Variants in ONECUT2 observed in about 807,000 individuals in gnomAD.
The protein encoded by ONECUT2 is one cut domain family member 2.
ONECUT2 carries 10 observed loss-of-function variants against 27.9 expected under a neutral mutation model. The observed-to-expected ratio is 0.36, with a 90% confidence interval of 0.22 to 0.61. The LOEUF (loss-of-function observed/expected upper bound fraction) is 0.61. ONECUT2 is among the 20% of genes least tolerant of loss of function. The pLI is 0.73. For missense variants in ONECUT2, 686 were observed against 721.0 expected, an observed-to-expected ratio of 0.95 and a Z score of 0.56; for synonymous variants, 334 against 315.1, an observed-to-expected ratio of 1.06 and a Z score of -0.64.
In ONECUT2 at chr18:57,487,034, C is replaced by T. The variant is rs72934308; in HGVS notation, c.*10311C>T. 3,299 of 152,562 alleles carry T rather than the reference C, an allele frequency of 0.022. 52 individuals are homozygous for T. Among genetic ancestry groups the T allele is most frequent in the Middle Eastern group, 0.054 (16 of 294 alleles). 9.5% of individuals were successfully genotyped at this position (152,562 alleles called of 1,614,324 possible). A position where few individuals can be genotyped will look rare whatever the true frequency, so the allele number is the denominator to read the frequency against. On this transcript the variant is annotated 3_prime_UTR_variant, in exon 2 of 2. Transcript: ENST00000491143. Reference sequence around the variant, plus strand: ...TCAATGGACTTTATTTATGCATGGGCGCCTATTGTTTGTTAGCAGTTGTGG... The same window carrying T: ...TCAATGGACTTTATTTATGCATGGGTGCCTATTGTTTGTTAGCAGTTGTGG...
Position 57,476,897 on chromosome 18 carries a change from C to T in ONECUT2, c.*174C>T, listed in dbSNP as rs1021772875. The T allele has an allele frequency of 2.7e-6, 2 of 748,594 alleles. No homozygotes were observed. Among genetic ancestry groups the T allele is most frequent in the South Asian group, 3.9e-5 (2 of 51,620 alleles). The allele number at this position is 748,594 out of a possible 1,614,324, so 46.4% of individuals were successfully genotyped here. A position where few individuals can be genotyped will look rare whatever the true frequency, so the allele number is the denominator to read the frequency against. On this transcript the variant is annotated 3_prime_UTR_variant, in exon 2 of 2. Coordinates refer to ENST00000491143, the MANE Select transcript of ONECUT2 (RefSeq NM_004852.3). ...TAGCTGTAATCATAGGCCAGGTGTT[C>T]TTCTTTTGTTTTTAATGGCTATGGA...
At position 57,489,478 on chromosome 18, in the gene ONECUT2, C is replaced by T. The variant is rs1358371655; in HGVS notation, c.*12755C>T. The T allele has an allele frequency of 6.6e-6, 1 of 152,140 alleles. No individual in the cohort carries two copies. The highest frequency in any genetic ancestry group is 2.4e-5 in the African/African-American group (1 of 41,434). The allele number at this position is 152,140 out of a possible 1,614,324, so 9.4% of individuals were successfully genotyped here. On this transcript the variant is annotated 3_prime_UTR_variant, in exon 2 of 2. Transcript: ENST00000491143. The stretch of plus-strand genomic sequence containing the variant: ...TCACAGCTATTGCCCCAGCCAAAAA[C>T]ATGGCCCATCAATGCCTACTTTATC...
At chr18:57,457,422 C>T (rs977491382) in intron 1 of ONECUT2, among the ~76,000 whole-genome samples, 2 of 152,124 alleles carry the variant, frequency 1.3e-5, no homozygotes, top group African/African-American at 4.8e-5. Flanking sequence ...GCCCTTACCC[C>T]AGGTTCTAGA....
chr18:57,438,593 A>C (rs752883715), intron 1 of ONECUT2, among the ~76,000 whole-genome samples: 1 of 152,206 alleles, frequency 6.6e-6, no homozygotes, highest in Non-Finnish European at 1.5e-5. Context: ...CCGCTTTGAC[A>C]GCATTTTCCT....
Position 57,476,663 on chromosome 18 carries a change from G to A in ONECUT2, c.1455G>A (p.Trp485Ter). The A allele has an allele frequency of 6.2e-7, 1 of 1,614,166 alleles. No homozygotes were observed. The highest frequency in any genetic ancestry group is 8.5e-7 in the Non-Finnish European group (1 of 1,180,040). ...MNARRRSLEK[W>*]QDDLSTGGSS... ...CCCGGCGCCGCAGCCTGGAGAAGTG[G>A]CAAGACGATCTGAGCACAGGGGGCT... Residue 485 changes from tryptophan to a stop codon, truncating the protein, a stop_gained, in exon 2 of 2, where the codon TGG becomes TGA. Transcript: ENST00000491143. LOFTEE classifies it high-confidence loss of function.
intron 1 of ONECUT2, among the ~76,000 whole-genome samples, chr18:57,444,889 A>AG (rs899744534): frequency 2.0e-5 from 3 of 152,018 alleles, no homozygotes; most frequent in Non-Finnish European, 2.9e-5. Context: ...GTGGGAAGAG[A>AG]GGGGGTCAGG....
At chr18:57,452,186 T>A (rs1282133553) in intron 1 of ONECUT2, among the ~76,000 whole-genome samples, 1 of 152,156 alleles carries the variant, frequency 6.6e-6, no homozygotes, top group Non-Finnish European at 1.5e-5. Flanking sequence ...CTCTTTGTAT[T>A]GAGACTGTTT....
Position 57,435,982 on chromosome 18 carries a change from A to G in ONECUT2, c.266A>G (p.Gln89Arg). The change falls in exon 1 of 2, where the codon CAG (glutamine) becomes CGG (arginine). Residue 89 changes from glutamine to arginine, a missense_variant. Transcript: ENST00000491143. ...CCTCCGCCGCCTCCAACCGCGCACC[A>G]GGAGCTGGGCACGGCGGCAGCGGCG... The part of the protein sequence containing the change: ...RGPPPPPTAH[Q>R]ELGTAAAAAA... 1 of 1,466,876 alleles carries G rather than the reference A, an allele frequency of 6.8e-7. No homozygotes were observed. Among genetic ancestry groups the G allele is most frequent in the East Asian group, 2.6e-5 (1 of 38,268 alleles). The allele number at this position is 1,466,876 out of a possible 1,614,324, so 90.9% of individuals were successfully genotyped here.
chr18:57,448,126 A>G (rs920104707), intron 1 of ONECUT2, among the ~76,000 whole-genome samples: 1 of 152,256 alleles, frequency 6.6e-6, no homozygotes, highest in Non-Finnish European at 1.5e-5. Flanking sequence ...ATGATTGAGC[A>G]CAACTCACAT....
intron 1 of ONECUT2, among the ~76,000 whole-genome samples, chr18:57,471,441 A>G (rs552960422): frequency 4.7e-4 from 71 of 152,284 alleles, no homozygotes; most frequent in South Asian, 6.2e-4. Flanking sequence ...GGAGCAGCAC[A>G]TTCTTGGAAA....
At chr18:57,466,326 A>G (rs1228826746) in intron 1 of ONECUT2, among the ~76,000 whole-genome samples, 1 of 152,188 alleles carries the variant, frequency 6.6e-6, no homozygotes, top group Non-Finnish European at 1.5e-5. Flanking sequence ...TGTTTAGGTA[A>G]AAAATCTCCA....
chr18:57,442,029 G>A (rs2050177579), intron 1 of ONECUT2, among the ~76,000 whole-genome samples: 2 of 149,110 alleles, frequency 1.3e-5, no homozygotes. Context: ...TCGCGGGTAA[G>A]GAGGTGTCCT....
In ONECUT2 at chr18:57,486,200, G is replaced by A. The variant is rs925103454; in HGVS notation, c.*9477G>A. 2 of 152,592 alleles carry A rather than the reference G, an allele frequency of 1.3e-5. No homozygotes were observed. Among genetic ancestry groups the A allele is most frequent in the Non-Finnish European group, 1.5e-5 (1 of 68,052 alleles). The allele number at this position is 152,592 out of a possible 1,614,324, so 9.5% of individuals were successfully genotyped here. On this transcript the variant is annotated 3_prime_UTR_variant, in exon 2 of 2. Transcript: ENST00000491143. ...GCAAAGTGTGACATAACCACGGGAC[G>A]AGTGCCTTGCTTGAACCAAAGCAAC...
In ONECUT2 at chr18:57,477,355, A is replaced by T. The variant is rs1267477132; in HGVS notation, c.*632A>T. On this transcript the variant is annotated 3_prime_UTR_variant, in exon 2 of 2. Transcript: ENST00000491143. ...CCAAGGACCTGTTTTTCCAACCCAG[A>T]CATCTTTTCATTGAATGATTTAGAA... The T allele has an allele frequency of 6.6e-6, 1 of 152,540 alleles. No homozygotes were observed. Among genetic ancestry groups the T allele is most frequent in the Non-Finnish European group, 1.5e-5 (1 of 68,034 alleles). The allele number at this position is 152,540 out of a possible 1,614,324, so 9.4% of individuals were successfully genotyped here. A position where few individuals can be genotyped will look rare whatever the true frequency, so the allele number is the denominator to read the frequency against.
intron 1 of ONECUT2, among the ~76,000 whole-genome samples, chr18:57,447,263 A>G (rs1437036513): frequency 2.0e-5 from 3 of 152,190 alleles, no homozygotes; most frequent in Non-Finnish European, 4.4e-5. Context: ...TGCTGCCTCC[A>G]CGCCCCGGCG....
chr18:57,486,624 A>T lies in ONECUT2; in HGVS notation c.*9901A>T, dbSNP rs994023427. On this transcript the variant is annotated 3_prime_UTR_variant, in exon 2 of 2. Coordinates refer to ENST00000491143, the MANE Select transcript of ONECUT2 (RefSeq NM_004852.3). ...GTGATTTAAAAAAAGAAAAAAGAAA[A>T]AAAAGCTTTATACGTTTTAGGTTGT... The T allele has an allele frequency of 2.0e-5, 3 of 152,626 alleles. No individual in the cohort carries two copies. Among genetic ancestry groups the T allele is most frequent in the Non-Finnish European group, 4.4e-5 (3 of 68,034 alleles). 9.5% of individuals were successfully genotyped at this position (152,626 alleles called of 1,614,324 possible).
intron 1 of ONECUT2, among the ~76,000 whole-genome samples, chr18:57,462,420 C>T (rs1265576871): frequency 2.0e-5 from 3 of 152,156 alleles, no homozygotes; most frequent in African/African-American, 7.2e-5. Flanking sequence ...GGGTCTCGCT[C>T]TGTTACCCAG....
chr18:57,481,541 G>A lies in ONECUT2; in HGVS notation c.*4818G>A, dbSNP rs918878712. On this transcript the variant is annotated 3_prime_UTR_variant, in exon 2 of 2. Transcript: ENST00000491143. ...GTCTATACTGGGCACCCACCTACTA[G>A]TGCCAGTAAATTCAAGTTGAACAGA... is the stretch of plus-strand genomic sequence containing the variant. 1 of 152,166 alleles carries A rather than the reference G, an allele frequency of 6.6e-6. No homozygotes were observed. The highest frequency in any genetic ancestry group is 1.5e-5 in the Non-Finnish European group (1 of 68,040). 9.4% of individuals were successfully genotyped at this position (152,166 alleles called of 1,614,324 possible).
chr18:57,461,145 A>G (rs141742528), intron 1 of ONECUT2, among the ~76,000 whole-genome samples: 59 of 151,538 alleles, frequency 3.9e-4, no homozygotes, highest in African/African-American at 1.3e-3. Flanking sequence ...CCTAACCACT[A>G]TAGTTTAGTG....
Sources: gnomAD v4.1 joint callset for allele counts (sites outside exome capture counted in the v4.1 genomes callset) on GRCh38, gnomAD v4.1.1 for gene constraint, MANE v1.5 for transcripts, NCBI Gene and HGNC (gene_info 2026-07-23, HGNC 2026-07-21) for gene names.